KCNH7: variants seen among roughly 807,000 people sequenced by gnomAD.
The protein encoded by KCNH7 is potassium voltage-gated channel subfamily H member 7.
KCNH7 carries 49 observed loss-of-function variants against 120.8 expected under a neutral mutation model. The ratio of observed to expected loss-of-function variants is 0.41; its 90% CI spans 0.32 to 0.51. KCNH7 has a LOEUF of 0.51. Ranked by LOEUF, KCNH7 falls within the 20% of genes least tolerant of loss-of-function variation. KCNH7 has a pLI of 0.38. For synonymous variants in KCNH7, 547 were observed against 516.1 expected (o/e 1.06, Z -0.81); for missense variants, 1,097 against 1,446.6 (o/e 0.76, Z 3.92).
chr2:162,493,297 T>C (rs759878337), intron 6 of KCNH7, among the ~76,000 whole-genome samples: 3 of 152,136 alleles, frequency 2.0e-5, no homozygotes, highest in Non-Finnish European at 4.4e-5. Context: ...GATGGTTATA[T>C]AGAAATAGAG....
chr2:162,404,779 G>C (rs1281928788), intron 9 of KCNH7, among the ~76,000 whole-genome samples: 6 of 151,864 alleles, frequency 4.0e-5, no homozygotes, highest in Non-Finnish European at 7.4e-5. Context: ...CTTCTTTATA[G>C]CAATGCAAGA....
chr2:162,508,615 T>C (rs1690963013), intron 5 of KCNH7, among the ~76,000 whole-genome samples: 2 of 151,466 alleles, frequency 1.3e-5, no homozygotes, highest in African/African-American at 4.8e-5. Context: ...AATTTCAACA[T>C]TTTAACTAAG....
intron 2 of KCNH7, among the ~76,000 whole-genome samples, chr2:162,710,708 G>A (rs192898180): frequency 7.5e-4 from 114 of 152,250 alleles, no homozygotes; most frequent in Non-Finnish European, 1.3e-3. Flanking sequence ...GGATTCCAGG[G>A]AACATTGGCC....
chr2:162,559,047 T>C lies in KCNH7; in HGVS notation c.308-21967A>G, dbSNP rs561899672. The stretch of plus-strand genomic sequence containing the variant: ...TCCAGCCTGGGCAACAGAGCAAGAC[T>C]CTGCCTCAAAAAAAAAAAAAAAAAA... On this transcript the variant is annotated intron_variant, in intron 2 of 15. Transcript: ENST00000332142. Among the ~76,000 whole-genome samples, 19 of 115,140 alleles carry C rather than the reference T, an allele frequency of 1.7e-4. 1 individual carries two copies. The highest frequency in any genetic ancestry group is 2.8e-4 in the Non-Finnish European group (17 of 60,824). 75.5% of individuals were successfully genotyped at this position (115,140 alleles called of 152,430 possible). A position where few individuals can be genotyped will look rare whatever the true frequency, so the allele number is the denominator to read the frequency against.
At chr2:162,448,098 A>C (rs990905295) in intron 6 of KCNH7, among the ~76,000 whole-genome samples, 1 of 152,100 alleles carries the variant, frequency 6.6e-6, no homozygotes, top group African/African-American at 2.4e-5. Context: ...TCTGGAAAAT[A>C]AAGTGATTTT....
At chr2:162,766,250 T>A (rs1202150989) in intron 2 of KCNH7, among the ~76,000 whole-genome samples, 1 of 152,128 alleles carries the variant, frequency 6.6e-6, no homozygotes, top group Admixed American at 6.6e-5. Flanking sequence ...ATCAGGAAAG[T>A]TCAATTTCAG....
chr2:162,771,757 AT>A (rs1261558649), intron 2 of KCNH7, among the ~76,000 whole-genome samples: 1 of 152,036 alleles, frequency 6.6e-6, no homozygotes, highest in African/African-American at 2.4e-5. Context: ...CTGATCTCGT[AT>A]TTTTATATCT....
intron 7 of KCNH7, among the ~76,000 whole-genome samples, chr2:162,442,031 T>TTTTTTTTTC: frequency 7.5e-6 from 1 of 132,924 alleles, no homozygotes; most frequent in Non-Finnish European, 1.6e-5. Context: ...TTTTTTTTTT[T>TTTTTTTTTC]TTTGAGATGG....
chr2:162,815,598 A>T (rs1327983070), intron 2 of KCNH7, among the ~76,000 whole-genome samples: 1 of 152,224 alleles, frequency 6.6e-6, no homozygotes, highest in Non-Finnish European at 1.5e-5. Flanking sequence ...CACAGACTGG[A>T]AGGCAAGGGG....
intron 3 of KCNH7, among the ~76,000 whole-genome samples, chr2:162,526,491 C>A (rs145717091): frequency 7.9e-5 from 12 of 151,802 alleles, no homozygotes; most frequent in South Asian, 2.1e-4. Flanking sequence ...CGCCGCCCCC[C>A]CGAAGCAGCC....
At chr2:162,486,947 A>G (rs1690116813) in intron 6 of KCNH7, among the ~76,000 whole-genome samples, 1 of 152,204 alleles carries the variant, frequency 6.6e-6, no homozygotes, top group South Asian at 2.1e-4. Context: ...TGTTTGAACT[A>G]AGAAAATATT....
intron 3 of KCNH7, among the ~76,000 whole-genome samples, chr2:162,531,615 T>C (rs1217368928): frequency 1.3e-5 from 2 of 151,910 alleles, no homozygotes; most frequent in Non-Finnish European, 2.9e-5. Flanking sequence ...GATCAAGACT[T>C]TGGGGTAAGA....
intron 2 of KCNH7, among the ~76,000 whole-genome samples, chr2:162,632,106 G>T (rs1683788666): frequency 1.3e-5 from 2 of 151,914 alleles, no homozygotes; most frequent in African/African-American, 2.4e-5. Context: ...TGGAGATAAG[G>T]TTATATAATA....
At chr2:162,726,513 G>A (rs932341880) in intron 2 of KCNH7, among the ~76,000 whole-genome samples, 2 of 152,034 alleles carry the variant, frequency 1.3e-5, no homozygotes, top group Non-Finnish European at 2.9e-5. Flanking sequence ...CCCGCCTCCC[G>A]GATTCAAGTG....
chr2:162,648,754 T>G (rs988235500), intron 2 of KCNH7, among the ~76,000 whole-genome samples: 4 of 152,134 alleles, frequency 2.6e-5, no homozygotes, highest in Non-Finnish European at 5.9e-5. Flanking sequence ...ATATTTACTA[T>G]CTAGACCTTT....
chr2:162,400,531 G>T (rs1573915196), intron 9 of KCNH7, 90 bp from the exon 10 acceptor site: 2 of 1,339,824 alleles, frequency 1.5e-6, no homozygotes, highest in Non-Finnish European at 1.0e-6. Flanking sequence ...AGAACTGCAG[G>T]TGTAGTCATT....
intron 2 of KCNH7, among the ~76,000 whole-genome samples, chr2:162,715,795 T>A (rs1259018965): frequency 6.6e-6 from 1 of 152,204 alleles, no homozygotes; most frequent in Non-Finnish European, 1.5e-5. Context: ...GCTACAATTA[T>A]CTCAAAATTA....
intron 2 of KCNH7, among the ~76,000 whole-genome samples, chr2:162,595,634 A>G (rs528039889): frequency 2.0e-5 from 3 of 152,108 alleles, no homozygotes; most frequent in East Asian, 1.9e-4. Flanking sequence ...TGAAAAGTTG[A>G]AAACTTTTCC....
intron 9 of KCNH7, among the ~76,000 whole-genome samples, chr2:162,412,946 T>C (rs930183057): frequency 3.9e-5 from 6 of 152,276 alleles, no homozygotes; most frequent in South Asian, 4.1e-4. Context: ...AACAATCTGA[T>C]CTTTGGTTTA....
Sources: gnomAD v4.1 joint callset for allele counts (sites outside exome capture counted in the v4.1 genomes callset) on GRCh38, gnomAD v4.1.1 for gene constraint, MANE v1.5 for transcripts, NCBI Gene and HGNC (gene_info 2026-07-23, HGNC 2026-07-21) for gene names.